The following FNBP1L variants were observed in gnomAD, a reference collection of about 807,000 sequenced individuals.
FNBP1L encodes formin-binding protein 1-like.
Under a neutral mutation model 91.2 loss-of-function variants are expected in FNBP1L, and 36 were observed. The ratio of observed to expected loss-of-function variants is 0.39; its 90% CI spans 0.30 to 0.52. The LOEUF is 0.52. Among genes scored for constraint, FNBP1L ranks in the 20% least tolerant of loss-of-function variants. FNBP1L has a pLI of 0.66. For missense variants in FNBP1L, 571 were observed against 732.1 expected (o/e 0.78, Z 2.54); for synonymous variants, 242 against 237.0 (o/e 1.02, Z -0.19).
chr1:93,466,844 T>A (rs1313749191), intron 1 of FNBP1L, among the ~76,000 whole-genome samples: 3 of 152,304 alleles, frequency 2.0e-5, no homozygotes, highest in Non-Finnish European at 4.4e-5. Flanking sequence ...GCATGGAATA[T>A]TCTTCCATTT....
At chr1:93,463,057 T>G (rs982384111) in intron 1 of FNBP1L, among the ~76,000 whole-genome samples, 3 of 152,214 alleles carry the variant, frequency 2.0e-5, no homozygotes, top group Admixed American at 2.0e-4. Context: ...AATCCAAGAC[T>G]ACTTCATTAG....
At position 93,546,922 on chromosome 1, in the gene FNBP1L, C is replaced by A; in HGVS notation, c.1355C>A (p.Ala452Glu). 1 of 1,612,782 alleles carries A rather than the reference C, an allele frequency of 6.2e-7. No homozygotes were observed. The highest frequency in any genetic ancestry group is 8.5e-7 in the Non-Finnish European group (1 of 1,179,360). Residue 452 changes from alanine to glutamate, a missense_variant, in exon 13 of 17, where the codon GCA becomes GAA. Ala to Glu is a moderately radical substitution (Grantham distance 107). This residue lies in a region of FNBP1L where 189 missense variants were observed against 219.7 expected (regional missense o/e 0.86). Coordinates refer to ENST00000271234, the MANE Select transcript of FNBP1L (RefSeq NM_001164473.3). ...CCAGGGAGTTTGCAGCCTAAATTAG[C>A]AGAGACCATGAATAACATTGACCGC... The part of the protein sequence containing the change: ...GDPGSLQPKL[A>E]ETMNNIDRLR...
At chr1:93,522,769 T>C (rs377186744) in intron 3 of FNBP1L, among the ~76,000 whole-genome samples, 8 of 152,284 alleles carry the variant, frequency 5.3e-5, no homozygotes, top group South Asian at 2.1e-4. Context: ...AAAGTAGATA[T>C]ATACATTAAT....
rs576466272 is a variant in FNBP1L, at chr1:93,534,761, T to G, written c.843T>G (p.Phe281Leu). Reference sequence around the variant, plus strand: ...CTGGTTTTGAACCTCCAGGAGACTTTCCATTTGAAGATTACAGTCAACATA... The same window carrying G: ...CTGGTTTTGAACCTCCAGGAGACTTGCCATTTGAAGATTACAGTCAACATA... ...FKSGFEPPGD[F>L]PFEDYSQHIY... is the part of the protein sequence containing the mutation. Residue 281 changes from phenylalanine (F) to leucine (L), a missense_variant, in exon 9 of 17, where the codon TTT becomes TTG. Physicochemically the swap from Phe to Leu is conservative, Grantham distance 22 (BLOSUM62 0). Around this residue, in one of 5 missense-constraint regions of FNBP1L, gnomAD observed 8 missense variants for 24.9 expected, o/e 0.32. Transcript: ENST00000271234. 1 of 1,572,608 alleles carries G rather than the reference T, an allele frequency of 6.4e-7. No homozygotes were observed. Among genetic ancestry groups the G allele is most frequent in the African/African-American group, 1.3e-5 (1 of 74,212 alleles).
chr1:93,492,378 A>C (rs1276210441), intron 1 of FNBP1L, among the ~76,000 whole-genome samples: 1 of 152,346 alleles, frequency 6.6e-6, no homozygotes, highest in Non-Finnish European at 1.5e-5. Flanking sequence ...CATTATTTAA[A>C]TGCATGGGTC....
chr1:93,529,268 G>A (rs936751002), intron 5 of FNBP1L, among the ~76,000 whole-genome samples: 24 of 152,096 alleles, frequency 1.6e-4, no homozygotes, highest in Non-Finnish European at 2.9e-4. Context: ...ACTCAGTCAT[G>A]CCTATGTTAT....
rs572109250 is a variant in FNBP1L, at chr1:93,523,622, A to G, written c.342+131A>G. 1.2e-4 allele frequency: 115 copies of G among 924,566 alleles called. No individual in the cohort carries two copies. In the African/African-American group the frequency reaches 1.9e-3, roughly 16 times the overall value. The allele number at this position is 924,566 out of a possible 1,614,324, so 57.3% of individuals were successfully genotyped here. A position where few individuals can be genotyped will look rare whatever the true frequency, so the allele number is the denominator to read the frequency against. ...TTCACTACATTTCTTCTAGCTAAAA[A>G]TTATCACAAAATACTCTTGCTAATT... On this transcript the variant is annotated intron_variant, in intron 4 of 16. Transcript: ENST00000271234.
intron 1 of FNBP1L, among the ~76,000 whole-genome samples, chr1:93,495,385 A>G (rs1670229082): frequency 2.0e-5 from 3 of 152,228 alleles, no homozygotes; most frequent in African/African-American, 7.2e-5. Flanking sequence ...AAATGTATTA[A>G]CCACTGATAA....
chr1:93,545,261 C>T (rs1174991967), intron 12 of FNBP1L, among the ~76,000 whole-genome samples: 1 of 152,092 alleles, frequency 6.6e-6, no homozygotes, highest in Non-Finnish European at 1.5e-5. Flanking sequence ...ATATGAGAAA[C>T]ATTGCACTAA....
At chr1:93,495,197 T>C (rs1168734014) in intron 1 of FNBP1L, among the ~76,000 whole-genome samples, 1 of 152,238 alleles carries the variant, frequency 6.6e-6, no homozygotes, top group African/African-American at 2.4e-5. Flanking sequence ...AGGAGAGATT[T>C]CACATGGAAA....
intron 1 of FNBP1L, among the ~76,000 whole-genome samples, chr1:93,473,125 CT>C (rs879323739): frequency 7.9e-5 from 12 of 151,606 alleles, no homozygotes; most frequent in African/African-American, 1.7e-4. Context: ...TTGTCTATTT[CT>C]TTTTTTCATC....
chr1:93,472,680 C>T (rs1483394291), intron 1 of FNBP1L, among the ~76,000 whole-genome samples: 4 of 151,566 alleles, frequency 2.6e-5, no homozygotes, highest in Non-Finnish European at 4.4e-5. Context: ...GGCGTGTTGG[C>T]GGGCGCCTGT....
intron 2 of FNBP1L, among the ~76,000 whole-genome samples, chr1:93,520,492 A>G (rs1372803596): frequency 6.6e-6 from 1 of 152,210 alleles, no homozygotes; most frequent in Non-Finnish European, 1.5e-5. Context: ...CATAGAAAAT[A>G]TAGGCCCTAA....
At chr1:93,489,092 C>T (rs1670010838) in intron 1 of FNBP1L, among the ~76,000 whole-genome samples, 1 of 152,154 alleles carries the variant, frequency 6.6e-6, no homozygotes, top group East Asian at 1.9e-4. Flanking sequence ...AACTAGCCAA[C>T]CTGGTTCTTT....
At chr1:93,448,635 A>G (rs1336663964) in intron 1 of FNBP1L, among the ~76,000 whole-genome samples, 1 of 150,274 alleles carries the variant, frequency 6.7e-6, no homozygotes, top group African/African-American at 2.5e-5. Context: ...ACTTTTCCCG[A>G]CGCCTGGCTT....
At chr1:93,479,855 A>G (rs1041318852) in intron 1 of FNBP1L, among the ~76,000 whole-genome samples, 1 of 152,148 alleles carries the variant, frequency 6.6e-6, no homozygotes. Flanking sequence ...ACGTTTTACA[A>G]TCAGTTTGTA....
Position 93,544,138 on chromosome 1 carries a change from C to T in FNBP1L, c.1196C>T (p.Pro399Leu). Residue 399 changes from proline to leucine, a missense_variant, in exon 12 of 17, where the codon CCA becomes CTA. Pro to Leu is a moderately conservative substitution (Grantham distance 98). Coordinates refer to ENST00000271234, the MANE Select transcript of FNBP1L (RefSeq NM_001164473.3). The stretch of plus-strand genomic sequence containing the variant: ...GCACTAGAAGATTTCAGTCATCTGC[C>T]ACCAGAACAGAGACGTAAAAAACTA... Reference protein sequence around the residue: ...GPALEDFSHLPPEQRRKKLQQ... With the variant: ...GPALEDFSHLLPEQRRKKLQQ... 6.2e-7 allele frequency: 1 copy of T among 1,610,762 alleles called. No homozygotes were observed. The highest frequency in any genetic ancestry group is 8.5e-7 in the Non-Finnish European group (1 of 1,178,086).
chr1:93,496,659 C>G (rs930858052), intron 1 of FNBP1L, among the ~76,000 whole-genome samples: 1 of 152,094 alleles, frequency 6.6e-6, no homozygotes, highest in South Asian at 2.1e-4. Context: ...TTGCCTCGGC[C>G]TCCCAAAGTG....
At chr1:93,468,275 C>G (rs1317105926) in intron 1 of FNBP1L, among the ~76,000 whole-genome samples, 5 of 152,036 alleles carry the variant, frequency 3.3e-5, no homozygotes, top group Non-Finnish European at 5.9e-5. Context: ...CTGTAACATG[C>G]ATTACTTTGT....
Sources: allele counts gnomAD v4.1 joint callset (sites outside exome capture counted in the v4.1 genomes callset), GRCh38; gene constraint gnomAD v4.1.1; regional missense constraint gnomAD v4.1.1; transcripts MANE v1.5; gene names NCBI Gene and HGNC (gene_info 2026-07-23, HGNC 2026-07-21).